Variants in NDUFA10 observed in about 807,000 individuals in gnomAD.
NDUFA10 encodes NADH dehydrogenase [ubiquinone] 1 alpha subcomplex subunit 10, mitochondrial.
In NDUFA10, 40 loss-of-function variants were observed where a neutral mutation model predicts 47.8. The observed-to-expected ratio is 0.84, with a 90% confidence interval of 0.65 to 1.09. The LOEUF is 1.09. Among genes scored for constraint, NDUFA10 ranks in the 50% least tolerant of loss-of-function variants. NDUFA10 has a pLI of 0.00. For synonymous variants in NDUFA10, 183 were observed against 172.2 expected (o/e 1.06, Z -0.49); for missense variants, 413 against 451.1 (o/e 0.92, Z 0.76).
downstream of NDUFA10, among the ~76,000 whole-genome samples, chr2:239,955,757 G>C (rs1355122442): frequency 2.6e-5 from 4 of 152,198 alleles, no homozygotes; most frequent in East Asian, 7.7e-4. Flanking sequence ...GGTTCTCAGG[G>C]AAGGATGGCT....
chr2:239,917,373 AT>A (rs1288114841), intron 4 of NDUFA10, among the ~76,000 whole-genome samples: 4 of 152,176 alleles, frequency 2.6e-5, no homozygotes, highest in Non-Finnish European at 5.9e-5. Context: ...CATAGGGAGA[AT>A]AAAAACAAAT....
intron 4 of NDUFA10, among the ~76,000 whole-genome samples, chr2:239,916,556 T>A (rs921708026): frequency 2.0e-5 from 3 of 152,214 alleles, no homozygotes; most frequent in African/African-American, 7.2e-5. Context: ...AAAGACCACA[T>A]CCTCATCTGC....
intron 5 of NDUFA10, chr2:240,012,920 T>C (rs1277950131): frequency 6.6e-6 from 1 of 152,158 alleles, no homozygotes; most frequent in Non-Finnish European, 1.5e-5. Flanking sequence ...ATATAGGAGG[T>C]GCTCTGTATT....
rs185043178 is a variant in NDUFA10 at position 239,997,328 on chromosome 2, T to A, written c.891-7146A>T. 1.1e-4 allele frequency among the ~76,000 whole-genome samples: 16 copies of A among 152,206 alleles called. 1 individual carries two copies. The East Asian group carries it at 2.7e-3, about 26-fold the overall frequency. On this transcript the variant is annotated intron_variant, in intron 8 of 9. Coordinates refer to ENST00000252711, the MANE Select transcript of NDUFA10 (RefSeq NM_004544.4). Reference sequence around the variant, plus strand: ...AAACCAGGTTCTTCGAAAAAGTTAATAAATATGAAGGGAAAATTCACAAAG... The same window carrying A: ...AAACCAGGTTCTTCGAAAAAGTTAAAAAATATGAAGGGAAAATTCACAAAG...
chr2:239,899,751 G>A (rs1026997708), intron 4 of NDUFA10, among the ~76,000 whole-genome samples: 2 of 151,968 alleles, frequency 1.3e-5, no homozygotes, highest in African/African-American at 4.8e-5. Flanking sequence ...GTGAGAGGCT[G>A]AATGGACAAT....
intron 8 of NDUFA10, among the ~76,000 whole-genome samples, chr2:240,000,229 G>T (rs1419663261): frequency 6.6e-6 from 1 of 152,130 alleles, no homozygotes; most frequent in Non-Finnish European, 1.5e-5. Flanking sequence ...GGTCCTTCAG[G>T]CGGCATCCAG....
At chr2:239,932,291 T>A (rs1694187989) in intron 4 of NDUFA10, among the ~76,000 whole-genome samples, 1 of 152,236 alleles carries the variant, frequency 6.6e-6, no homozygotes, top group African/African-American at 2.4e-5. Context: ...AAACCCTTAT[T>A]TTGACACTTG....
chr2:239,935,733 A>T (rs989758597), intron 4 of NDUFA10, among the ~76,000 whole-genome samples: 3 of 152,042 alleles, frequency 2.0e-5, no homozygotes, highest in African/African-American at 7.2e-5. Flanking sequence ...GTCTCACAAG[A>T]TCTGATGGTT....
downstream of NDUFA10, among the ~76,000 whole-genome samples, chr2:239,952,855 C>T (rs1340923540): frequency 2.0e-5 from 3 of 152,242 alleles, no homozygotes; most frequent in African/African-American, 7.2e-5. Context: ...AAACGCAAGG[C>T]ACAGCTGCCG....
chr2:240,008,029 CCAAA>C (rs1697012620), intron 6 of NDUFA10, among the ~76,000 whole-genome samples: 1 of 152,208 alleles, frequency 6.6e-6, no homozygotes, highest in Non-Finnish European at 1.5e-5. Flanking sequence ...TACAATGGTA[CCAAA>C]CAAACTTCAC....
chr2:239,929,414 G>T (rs1420701099), intron 4 of NDUFA10, among the ~76,000 whole-genome samples: 10 of 152,128 alleles, frequency 6.6e-5, no homozygotes, highest in Admixed American at 5.2e-4. Flanking sequence ...TCCATAAAAA[G>T]GAAAAAATGA....
intron 7 of NDUFA10, 81 bp downstream of exon 7, chr2:240,007,235 T>C: frequency 6.5e-6 from 7 of 1,081,794 alleles, no homozygotes. Context: ...AGTGGGAATC[T>C]AACTGACGAT....
intron 8 of NDUFA10, among the ~76,000 whole-genome samples, chr2:239,993,311 A>G (rs1348527241): frequency 6.6e-6 from 1 of 152,274 alleles, no homozygotes; most frequent in African/African-American, 2.4e-5. Flanking sequence ...TATGATGCCC[A>G]GCAGTAGCTA....
chr2:240,011,609 T>C lies in NDUFA10; in HGVS notation c.749+8A>G, dbSNP rs1392036387. On this transcript the variant is annotated splice_region_variant and intron_variant, in intron 6 of 9. Coordinates refer to ENST00000252711, the MANE Select transcript of NDUFA10 (RefSeq NM_004544.4). ...TAGCCCTGTAAATCAGTCGTGTGTT[T>C]GGCTCACCTCATCTCAGGGAGAAAG... The C allele has an allele frequency of 1.2e-6, 2 of 1,604,344 alleles. No individual in the cohort carries two copies. Among genetic ancestry groups the C allele is most frequent in the Non-Finnish European group, 1.7e-6 (2 of 1,171,022 alleles).
At chr2:240,014,978 T>C (rs1405907472) in intron 4 of NDUFA10, 118 bp from the exon 5 acceptor site, 5 of 1,415,096 alleles carry the variant, frequency 3.5e-6, no homozygotes, top group East Asian at 4.9e-5. Flanking sequence ...CACGTACCAA[T>C]CTACAAACCC....
Position 239,945,988 on chromosome 2 carries a change from G to A in NDUFA10, c.294+44086C>T, listed in dbSNP as rs1162715869. Among the ~76,000 whole-genome samples the A allele has an allele frequency of 6.6e-6, 1 of 152,200 alleles. No homozygotes were observed. The highest frequency in any genetic ancestry group is 2.4e-5 in the African/African-American group (1 of 41,462). ...CCTCACATAATGAGCTGCACCCCCA[G>A]ACCAGGACAGGAGAGGAGGGCCCCA... On this transcript the variant is annotated intron_variant, in intron 4 of 5. Coordinates refer to the NDUFA10 transcript ENST00000419408. The surrounding 1 kb of genome is among the most constrained non-coding windows in gnomAD (Gnocchi z 4.6).
chr2:240,002,187 C>T (rs937624391), intron 8 of NDUFA10, among the ~76,000 whole-genome samples: 3 of 151,866 alleles, frequency 2.0e-5, no homozygotes, highest in South Asian at 2.1e-4. Context: ...AAAAATTAGC[C>T]GGGTATAGTG....
chr2:239,965,641 C>T (rs1469397642), intron 9 of NDUFA10, among the ~76,000 whole-genome samples: 2 of 152,206 alleles, frequency 1.3e-5, no homozygotes, highest in Non-Finnish European at 2.9e-5. Context: ...GGTTGAGATG[C>T]AAAGGGCATG....
intron 4 of NDUFA10, among the ~76,000 whole-genome samples, chr2:239,933,763 C>G (rs138192794): frequency 6.7e-4 from 102 of 152,274 alleles, no homozygotes; most frequent in African/African-American, 2.4e-3. Flanking sequence ...GTCAGTGAAA[C>G]AGGGGCACGT....
Sources: gnomAD v4.1 joint callset for allele counts (sites outside exome capture counted in the v4.1 genomes callset) on GRCh38, gnomAD v4.1.1 for gene constraint, Gnocchi (gnomAD v3.1) non-coding constraint, MANE v1.5 for transcripts, NCBI Gene and HGNC (gene_info 2026-07-23, HGNC 2026-07-21) for gene names.